EFHB: variants seen among roughly 807,000 people sequenced by gnomAD.
The protein encoded by EFHB is EF-hand domain-containing family member B.
EFHB carries 91 observed loss-of-function variants against 87.2 expected under a neutral mutation model. The observed-to-expected ratio is 1.04, with a 90% CI of 0.88 to 1.24. EFHB has a LOEUF of 1.24. Among genes scored for constraint, EFHB ranks in the 50% most tolerant of loss-of-function variants. The pLI, the probability that EFHB is intolerant of heterozygous loss-of-function variation, is 0.00. For synonymous variants in EFHB, 325 were observed against 333.6 expected, an observed-to-expected ratio of 0.97 and a Z score of 0.28; for missense variants, 1,084 against 998.8, an observed-to-expected ratio of 1.09 and a Z score of -1.15.
intron 1 of EFHB, among the ~76,000 whole-genome samples, chr3:19,940,064 T>C (rs1696121530): frequency 6.6e-6 from 1 of 152,236 alleles, no homozygotes; most frequent in South Asian, 2.1e-4. Context: ...GAATGATCTG[T>C]CCAATTCCTT....
intron 10 of EFHB, among the ~76,000 whole-genome samples, chr3:19,887,049 T>C (rs927612324): frequency 6.6e-6 from 1 of 152,084 alleles, no homozygotes; most frequent in Non-Finnish European, 1.5e-5. Flanking sequence ...TGAAATGTAG[T>C]TCATAGAAAC....
intron 1 of EFHB, among the ~76,000 whole-genome samples, chr3:19,924,631 G>GGGGAATGT (rs1285310736): frequency 6.6e-5 from 10 of 152,194 alleles, no homozygotes; most frequent in Admixed American, 6.5e-4. Flanking sequence ...TCTAGGGGAA[G>GGGGAATGT]ACTCATCAAC....
At chr3:19,927,813 T>A (rs1041115751) in intron 1 of EFHB, among the ~76,000 whole-genome samples, 1 of 152,030 alleles carries the variant, frequency 6.6e-6, no homozygotes, top group African/African-American at 2.4e-5. Flanking sequence ...TACTTTACCA[T>A]CCCATCCCCT....
rs73188428 is a variant in EFHB at position 19,885,381 on chromosome 3, T to A, written c.1934-766A>T. ...TGCACTACAACATCAAGAGAGATGA[T>A]AAGAACTCACTGTGAGCTCAAGAAC... On this transcript the variant is annotated intron_variant, in intron 10 of 12. Coordinates refer to ENST00000295824, the MANE Select transcript of EFHB (RefSeq NM_144715.4). Among the ~76,000 whole-genome samples the A allele has an allele frequency of 7.9e-3, 1,196 of 152,272 alleles. 11 individuals carry two copies. Among genetic ancestry groups the A allele is most frequent in the African/African-American group, 0.025 (1,030 of 41,544 alleles).
At chr3:19,898,898 G>T in intron 7 of EFHB, 53 bp from the exon 8 acceptor site, 1 of 1,560,492 alleles carries the variant, frequency 6.4e-7, no homozygotes, top group Non-Finnish European at 8.8e-7. Context: ...GGCATCTCTG[G>T]AATTTAAAAT....
intron 10 of EFHB, among the ~76,000 whole-genome samples, chr3:19,884,965 T>C (rs909204914): frequency 2.7e-5 from 4 of 150,400 alleles, no homozygotes; most frequent in African/African-American, 4.9e-5. Context: ...CTCACGCCTG[T>C]AATCCCAGCA....
intron 9 of EFHB, among the ~76,000 whole-genome samples, chr3:19,890,688 GT>G (rs112892499): frequency 0.32 from 48,146 of 151,962 alleles, 9,080 homozygotes; most frequent in African/African-American, 0.52. Flanking sequence ...ACTCCTTTGA[GT>G]TACAAGTCTA....
intron 1 of EFHB, among the ~76,000 whole-genome samples, chr3:19,939,307 A>G (rs906096662): frequency 2.1e-5 from 3 of 142,972 alleles, no homozygotes; most frequent in African/African-American, 7.9e-5. Flanking sequence ...GCTCTTCAAG[A>G]CTCAACCCAG....
At chr3:19,911,456 G>A (rs1695059988) in intron 5 of EFHB, among the ~76,000 whole-genome samples, 1 of 151,934 alleles carries the variant, frequency 6.6e-6, no homozygotes, top group Admixed American at 6.6e-5. Context: ...TACTGAGGAG[G>A]CTGAGACAGG....
upstream of EFHB, among the ~76,000 whole-genome samples, chr3:19,934,832 G>C (rs1233049262): frequency 6.6e-6 from 1 of 152,068 alleles, no homozygotes; most frequent in African/African-American, 2.4e-5. Context: ...TATTATATTT[G>C]ACAACTGTGG....
upstream of EFHB, among the ~76,000 whole-genome samples, chr3:19,936,917 A>G (rs1696038557): frequency 1.3e-5 from 2 of 150,612 alleles, no homozygotes; most frequent in Non-Finnish European, 3.0e-5. Flanking sequence ...ATAAATAAAA[A>G]GTGAGAAGGA....
chr3:19,880,231 TTTA>T (rs2071639350), intron 12 of EFHB, among the ~76,000 whole-genome samples: 1 of 105,352 alleles, frequency 9.5e-6, no homozygotes, highest in South Asian at 3.4e-4. Flanking sequence ...ATTAGTTTCA[TTTA>T]TTTATTTATT....
chr3:19,906,165 C>T (rs1449651358), intron 5 of EFHB, among the ~76,000 whole-genome samples: 1 of 152,018 alleles, frequency 6.6e-6, no homozygotes, highest in Non-Finnish European at 1.5e-5. Flanking sequence ...CGTGTCTTCT[C>T]TAAAAATTCA....
chr3:19,891,247 A>T (rs1559448198), intron 9 of EFHB, among the ~76,000 whole-genome samples: 1 of 152,012 alleles, frequency 6.6e-6, no homozygotes, highest in East Asian at 1.9e-4. Context: ...GTAGAGATGG[A>T]GTCTCACTAT....
At chr3:19,906,203 C>T (rs1167893153) in intron 5 of EFHB, among the ~76,000 whole-genome samples, 3 of 152,164 alleles carry the variant, frequency 2.0e-5, no homozygotes, top group African/African-American at 7.2e-5. Context: ...ATGGCATGCA[C>T]CTGTAATCCC....
intron 4 of EFHB, among the ~76,000 whole-genome samples, chr3:19,915,975 T>C (rs1695217051): frequency 6.6e-6 from 1 of 151,132 alleles, no homozygotes; most frequent in Non-Finnish European, 1.5e-5. Flanking sequence ...GAAACTTTCA[T>C]CTCAAAAAAA....
At chr3:19,925,038 G>T (rs1402630001) in intron 1 of EFHB, among the ~76,000 whole-genome samples, 1 of 151,950 alleles carries the variant, frequency 6.6e-6, no homozygotes, top group Non-Finnish European at 1.5e-5. Context: ...GAGGTCAGGA[G>T]ATCAAGACCA....
chr3:19,901,886 G>A (rs918606381), intron 6 of EFHB, among the ~76,000 whole-genome samples: 5 of 151,410 alleles, frequency 3.3e-5, no homozygotes, highest in Admixed American at 6.6e-5. Flanking sequence ...GGAGGCAGAG[G>A]TTGCAGTGAG....
Position 19,918,282 on chromosome 3 carries a change from G to C in EFHB, c.1127C>G (p.Pro376Arg). 3 of 1,612,444 alleles carry C rather than the reference G, an allele frequency of 1.9e-6. No homozygotes were observed. The highest frequency in any genetic ancestry group is 1.7e-6 in the Non-Finnish European group (2 of 1,179,456). The part of the protein sequence containing the change: ...GKSHDQAPGL[P>R]KGMDTTNTTF... ...CGTATTGGTTGTGTCCATGCCTTTT[G>C]GTAATCCTGGTGCTTGATCGTGAGA... The change falls in exon 4 of 13, where the codon CCA becomes CGA. Residue 376 changes from proline (P) to arginine (R), a missense_variant. By Grantham distance (103) the Pro-to-Arg change is moderately radical. Coordinates refer to ENST00000295824, the MANE Select transcript of EFHB (RefSeq NM_144715.4).
Sources: allele counts gnomAD v4.1 joint callset (sites outside exome capture counted in the v4.1 genomes callset), GRCh38; gene constraint gnomAD v4.1.1; transcripts MANE v1.5; gene names NCBI Gene and HGNC (gene_info 2026-07-23, HGNC 2026-07-21).